The following TSNARE1 variants were observed in gnomAD, a reference collection of about 807,000 sequenced individuals.
TSNARE1 encodes the protein t-SNARE domain containing 1.
TSNARE1 carries 49 observed loss-of-function variants against 62.0 expected under a neutral mutation model. The observed-to-expected ratio is 0.79, with a 90% confidence interval of 0.63 to 1.00. TSNARE1 has a LOEUF of 1.00. TSNARE1 is among the 50% of genes least tolerant of loss of function. TSNARE1 has a pLI of 0.00. For synonymous variants in TSNARE1, 328 were observed against 294.4 expected, an observed-to-expected ratio of 1.11 and a Z score of -1.17; for missense variants, 755 against 700.1, an observed-to-expected ratio of 1.08 and a Z score of -0.88.
intron 12 of TSNARE1, among the ~76,000 whole-genome samples, chr8:142,262,584 C>A (rs1284362366): frequency 6.6e-6 from 1 of 152,044 alleles, no homozygotes; most frequent in Non-Finnish European, 1.5e-5. Flanking sequence ...ATCATGAGGG[C>A]CGGTTTCTCA....
intron 6 of TSNARE1, among the ~76,000 whole-genome samples, chr8:142,327,883 C>G (rs924591983): frequency 6.6e-6 from 1 of 152,186 alleles, no homozygotes; most frequent in African/African-American, 2.4e-5. Flanking sequence ...ACCCCACTGC[C>G]ATCGCTGCAT....
At chr8:142,271,761 T>C (rs1035875197) in intron 12 of TSNARE1, 4 of 1,175,088 alleles carry the variant, frequency 3.4e-6, no homozygotes, top group East Asian at 3.1e-5. Context: ...GTGAGCAGGG[T>C]GCAGGGAGAG....
intron 10 of TSNARE1, 159 bp downstream of exon 10, chr8:142,300,325 CAG>C (rs1825497171): frequency 6.7e-6 from 5 of 751,402 alleles, no homozygotes; most frequent in Non-Finnish European, 1.0e-5. Context: ...ACCAGATGGC[CAG>C]AGAGAGGTGG....
intron 1 of TSNARE1, among the ~76,000 whole-genome samples, chr8:142,391,626 ATC>A (rs1165967709): frequency 6.6e-6 from 1 of 152,126 alleles, no homozygotes; most frequent in African/African-American, 2.4e-5. Context: ...CGTTCCCCTC[ATC>A]CAGACGCGGG....
chr8:142,295,236 G>C (rs1440132745), intron 10 of TSNARE1, among the ~76,000 whole-genome samples: 6 of 152,222 alleles, frequency 3.9e-5, no homozygotes. Flanking sequence ...GGAGATGGTG[G>C]GCAGCCCCAG....
At chr8:142,364,224 G>A (rs1835371625) in intron 1 of TSNARE1, among the ~76,000 whole-genome samples, 1 of 152,122 alleles carries the variant, frequency 6.6e-6, no homozygotes, top group Non-Finnish European at 1.5e-5. Context: ...TCTCCCTGCT[G>A]GACCATGAGC....
chr8:142,252,363 C>T (rs989694312), intron 12 of TSNARE1, among the ~76,000 whole-genome samples: 22 of 152,208 alleles, frequency 1.4e-4, no homozygotes, highest in African/African-American at 5.3e-4. Flanking sequence ...GTGCCCCCCA[C>T]TGGCTGTGTG....
In TSNARE1 at chr8:142,319,312, C is replaced by CTGCACACCTCTGAGGGG. The variant is rs1014901079; in HGVS notation, c.894-695_894-679dup. On this transcript the variant is annotated intron_variant, in intron 6 of 13. Transcript: ENST00000524325. This position sits in a 1 kb window ranked among gnomAD's most constrained non-coding sequence, Gnocchi z 4.9. ...AGGGAGGCCAGCAGTCCCCACCCCCCTGCACACCTCTGAGGGGTGCACACC... is the reference window on the plus strand; with the variant it reads ...AGGGAGGCCAGCAGTCCCCACCCCCCTGCACACCTCTGAGGGGTGCACACCTCTGAGGGGTGCACACC... 1.3e-5 allele frequency among the ~76,000 whole-genome samples: 2 copies of CTGCACACCTCTGAGGGG among 152,164 alleles called. No homozygotes were observed. The highest frequency in any genetic ancestry group is 4.1e-4 in the South Asian group (2 of 4,822).
intron 2 of TSNARE1, among the ~76,000 whole-genome samples, chr8:142,348,252 G>A (rs188268360): frequency 1.2e-3 from 177 of 152,244 alleles, no homozygotes; most frequent in Non-Finnish European, 2.2e-3. Context: ...CAGAACGTGC[G>A]CGGGTCACTA....
intron 1 of TSNARE1, among the ~76,000 whole-genome samples, chr8:142,388,108 A>G (rs982734080): frequency 1.3e-5 from 2 of 152,210 alleles, no homozygotes; most frequent in Non-Finnish European, 2.9e-5. Flanking sequence ...ATTATTAGCA[A>G]CTTCGTTTGT....
chr8:142,318,466 T>C (rs979404013), intron 7 of TSNARE1, 78 bp downstream of exon 7: 59 of 1,416,614 alleles, frequency 4.2e-5, no homozygotes, highest in Non-Finnish European at 5.7e-5. Context: ...TCCTGCCTCG[T>C]GTGACATCCC....
rs558658078 is a variant in TSNARE1, at chr8:142,296,786, G to A, written c.1290+3700C>T. Among the ~76,000 whole-genome samples the A allele has an allele frequency of 7.9e-5, 12 of 152,080 alleles. No individual in the cohort carries two copies. In the South Asian group the frequency reaches 2.5e-3, roughly 32 times the overall value. On this transcript the variant is annotated intron_variant, in intron 10 of 13. Transcript: ENST00000524325. ...GGAAGCCAGCAGGGGTCCTCAGGGT[G>A]GGTCTCGGCGGTCCCCACAGGCTCC...
intron 12 of TSNARE1, among the ~76,000 whole-genome samples, chr8:142,265,642 G>A (rs894396636): frequency 6.6e-6 from 1 of 152,216 alleles, no homozygotes; most frequent in Non-Finnish European, 1.5e-5. Context: ...TATAGTAAGT[G>A]TTATGTTTAC....
chr8:142,256,117 AT>A (rs911181645), intron 12 of TSNARE1, among the ~76,000 whole-genome samples: 4 of 125,806 alleles, frequency 3.2e-5, no homozygotes, highest in African/African-American at 1.2e-4. Flanking sequence ...CACCATCACC[AT>A]CACCACCATC....
In TSNARE1 at chr8:142,370,088, C is replaced by T. The variant is rs144685613; in HGVS notation, c.-39-15325G>A. On this transcript the variant is annotated intron_variant, in intron 1 of 13. Coordinates refer to ENST00000524325, the MANE Select transcript of TSNARE1 (RefSeq NM_145003.5). Reference sequence around the variant, plus strand: ...AGAAAGACCCTTCACCCTTCTGCCACGTGAGGACACAGATAGAAGGCCCCA... The same window carrying T: ...AGAAAGACCCTTCACCCTTCTGCCATGTGAGGACACAGATAGAAGGCCCCA... 4.5e-3 allele frequency among the ~76,000 whole-genome samples: 679 copies of T among 152,324 alleles called. 6 individuals are homozygous for T. Among genetic ancestry groups the T allele is most frequent in the African/African-American group, 0.015 (632 of 41,572 alleles).
chr8:142,285,170 T>G (rs1320619067), intron 10 of TSNARE1, among the ~76,000 whole-genome samples: 1 of 149,636 alleles, frequency 6.7e-6, no homozygotes, highest in Non-Finnish European at 1.5e-5. Context: ...GATGGGTGAG[T>G]GGATGGATGG....
chr8:142,346,615 C>T (rs184929201), intron 2 of TSNARE1, among the ~76,000 whole-genome samples: 102 of 152,364 alleles, frequency 6.7e-4, no homozygotes, highest in Non-Finnish European at 1.2e-3. Flanking sequence ...CTGAGGCCTC[C>T]GAAGCCAGAC....
intron 12 of TSNARE1, among the ~76,000 whole-genome samples, chr8:142,246,122 G>A (rs765122562): frequency 6.6e-5 from 10 of 152,214 alleles, no homozygotes; most frequent in East Asian, 1.9e-4. Context: ...CACAGCCCCC[G>A]TCCCATAAGG....
chr8:142,218,027 G>A (rs1309260545), intron 13 of TSNARE1, among the ~76,000 whole-genome samples: 1 of 116,678 alleles, frequency 8.6e-6, no homozygotes, highest in South Asian at 2.6e-4. Flanking sequence ...GCCAGGATCA[G>A]GGCCCAGTAT....
Sources: gnomAD v4.1 joint callset for allele counts (sites outside exome capture counted in the v4.1 genomes callset) on GRCh38, gnomAD v4.1.1 for gene constraint, Gnocchi (gnomAD v3.1) non-coding constraint, MANE v1.5 for transcripts, NCBI Gene and HGNC (gene_info 2026-07-23, HGNC 2026-07-21) for gene names.